RAB23: variants seen among roughly 807,000 people sequenced by gnomAD.
RAB23 encodes the protein ras-related protein Rab-23.
Under a neutral mutation model 30.0 loss-of-function variants are expected in RAB23, and 15 were observed. The observed-to-expected ratio is 0.50, with a 90% CI of 0.33 to 0.77. The LOEUF (loss-of-function observed/expected upper bound fraction) is 0.77, where lower values mean the gene tolerates loss of function less well. Ranked by LOEUF, RAB23 falls within the 30% of genes least tolerant of loss-of-function variation. The pLI is 0.02. For missense variants in RAB23, 243 were observed against 275.4 expected (o/e 0.88, Z 0.83); for synonymous variants, 93 against 94.0 (o/e 0.99, Z 0.06).
At chr6:57,199,263 G>A (rs1765145843) in intron 3 of RAB23, among the ~76,000 whole-genome samples, 1 of 152,158 alleles carries the variant, frequency 6.6e-6, no homozygotes, top group South Asian at 2.1e-4. Context: ...GCGGGGGGGT[G>A]GAATGAACAC....
intron 1 of RAB23, among the ~76,000 whole-genome samples, chr6:57,211,386 A>G (rs1237366764): frequency 6.6e-6 from 1 of 152,122 alleles, no homozygotes. Context: ...CTTGAGCCCA[A>G]GGGTCTGAAG....
At chr6:57,202,201 C>A (rs976160258) in intron 3 of RAB23, among the ~76,000 whole-genome samples, 1 of 152,112 alleles carries the variant, frequency 6.6e-6, no homozygotes. Context: ...CTAGCCCTTA[C>A]CTTCTCTTCT....
chr6:57,196,479 A>C lies in RAB23; in HGVS notation c.369T>G (p.Ile123Met), dbSNP rs1765026710. The C allele has an allele frequency of 4.3e-6, 7 of 1,614,030 alleles. No individual in the cohort carries two copies. The highest frequency in any genetic ancestry group is 5.9e-6 in the Non-Finnish European group (7 of 1,179,946). The change falls in exon 4 of 7, where the codon ATT becomes ATG. Residue 123 changes from isoleucine to methionine, a missense_variant. Coordinates refer to ENST00000468148, the MANE Select transcript of RAB23 (RefSeq NM_016277.5). ...DIPTVLVQNK[I>M]DLLDDSCIKN... The stretch of plus-strand genomic sequence containing the variant: ...TTATACAAGAATCATCCAGAAGATC[A>C]ATCTTGTTTTGCACAAGTACAGTTG...
In RAB23 at chr6:57,196,617, ACAATCAATCAAT is replaced by A. The variant is rs45542438; in HGVS notation, c.242-23_242-12del. The A allele has an allele frequency of 6.2e-7, 1 of 1,612,272 alleles. No homozygotes were observed. On this transcript the variant is annotated splice_polypyrimidine_tract_variant and intron_variant, in intron 3 of 6. Transcript: ENST00000468148. ...CACAAGCCTGGGCTCCTGTAAGTTC[ACAATCAATCAAT>A]CAATCAATCAAGGTATTTACATTAA...
intron 6 of RAB23, among the ~76,000 whole-genome samples, chr6:57,193,421 A>G (rs941219855): frequency 2.0e-5 from 3 of 152,222 alleles, no homozygotes; most frequent in Non-Finnish European, 4.4e-5. Context: ...GTTATTGTGA[A>G]AGAGAACACA....
intron 3 of RAB23, among the ~76,000 whole-genome samples, chr6:57,203,338 G>A (rs1245483562): frequency 1.3e-5 from 2 of 152,034 alleles, no homozygotes; most frequent in East Asian, 3.8e-4. Context: ...GAAACATAAT[G>A]TCAAATATAT....
Position 57,187,402 on chromosome 6 carries a change from A to G in RAB23, c.*3059T>C, listed in dbSNP as rs1764642486. On this transcript the variant is annotated 3_prime_UTR_variant, in exon 7 of 7. Coordinates refer to ENST00000468148, the MANE Select transcript of RAB23 (RefSeq NM_016277.5). ...ATGATGAGAGACTTACATGTTTTATAGCTGAAAACCTAAGGAGTGACAATA... is the reference window on the plus strand; with the variant it reads ...ATGATGAGAGACTTACATGTTTTATGGCTGAAAACCTAAGGAGTGACAATA... The G allele has an allele frequency of 1.3e-5, 2 of 152,322 alleles. No individual in the cohort carries two copies. The highest frequency in any genetic ancestry group is 3.4e-3 in the Middle Eastern group (1 of 294). 9.4% of individuals were successfully genotyped at this position (152,322 alleles called of 1,614,324 possible).
At chr6:57,198,451 T>A (rs766546233) in intron 3 of RAB23, among the ~76,000 whole-genome samples, 83 of 151,976 alleles carry the variant, frequency 5.5e-4, no homozygotes, top group Non-Finnish European at 7.2e-4. Context: ...GAGGTGGAGC[T>A]TGCAGTGAGC....
intron 3 of RAB23, among the ~76,000 whole-genome samples, chr6:57,204,176 A>G (rs1765370867): frequency 6.6e-6 from 1 of 152,196 alleles, no homozygotes; most frequent in Admixed American, 6.5e-5. Flanking sequence ...CTTCAATAAA[A>G]TCAGTGGTAA....
rs1053849499 is a variant in RAB23 at position 57,190,544 on chromosome 6, C to T, written c.631G>A (p.Gly211Ser). Residue 211 changes from glycine to serine, a missense_variant, in exon 7 of 7, where the codon GGT becomes AGT. By Grantham distance (56) the Gly-to-Ser change is moderately conservative (BLOSUM62 0). Transcript: ENST00000468148. Reference sequence around the variant, plus strand: ...GGTCTAAGATTGATGACATCTCCACCATTGAGGGTACCTGAATTCTGACCG... The same window carrying T: ...GGTCTAAGATTGATGACATCTCCACTATTGAGGGTACCTGAATTCTGACCG... ...HSGQNSGTLN[G>S]GDVINLRPNK... The T allele has an allele frequency of 5.0e-6, 8 of 1,613,634 alleles. No homozygotes were observed. In the African/African-American group the frequency reaches 1.1e-4, roughly 22 times the overall value.
In RAB23 at chr6:57,196,531, T is replaced by C. The variant is rs1562651480; in HGVS notation, c.317A>G (p.Lys106Arg). The C allele has an allele frequency of 6.2e-7, 1 of 1,613,932 alleles. No individual in the cohort carries two copies. The highest frequency in any genetic ancestry group is 1.3e-5 in the African/African-American group (1 of 74,918). Residue 106 changes from lysine (K) to arginine (R), a missense_variant, in exon 4 of 7, where the codon AAA (lysine) becomes AGA (arginine). Physicochemically the swap from Lys to Arg is conservative, Grantham distance 26. Coordinates refer to ENST00000468148, the MANE Select transcript of RAB23 (RefSeq NM_016277.5). The stretch of plus-strand genomic sequence containing the variant: ...TATATCTCCCACTTCGGCTACTACT[T>C]TCTCTCTCCAACTGGAAACTGCTTC... ...SFEAVSSWRE[K>R]VVAEVGDIPT... is the part of the protein sequence containing the mutation.
At chr6:57,190,635 G>T (rs746625621) in intron 6 of RAB23, 35 bp from the exon 7 acceptor site, 2 of 1,610,880 alleles carry the variant, frequency 1.2e-6, no homozygotes, top group Non-Finnish European at 1.7e-6. Flanking sequence ...GATTGCCACT[G>T]ACACGCCTGA....
chr6:57,193,405 C>G (rs1764912646), intron 6 of RAB23, among the ~76,000 whole-genome samples: 1 of 152,178 alleles, frequency 6.6e-6, no homozygotes, highest in South Asian at 2.1e-4. Context: ...GACATCTGGT[C>G]AGGCAGTTAT....
chr6:57,189,575 T>C lies in RAB23; in HGVS notation c.*886A>G, dbSNP rs1764752349. 1 of 152,630 alleles carries C rather than the reference T, an allele frequency of 6.6e-6. No homozygotes were observed. Among genetic ancestry groups the C allele is most frequent in the Middle Eastern group, 3.4e-3 (1 of 294 alleles). 9.5% of individuals were successfully genotyped at this position (152,630 alleles called of 1,614,324 possible). On this transcript the variant is annotated 3_prime_UTR_variant, in exon 7 of 7. Coordinates refer to ENST00000468148, the MANE Select transcript of RAB23 (RefSeq NM_016277.5). ...AGCTCACCATGCTTATGGGTGACTA[T>C]ATCAAAAAGATCTGCAATAAGGCTC...
chr6:57,202,525 A>G (rs1415715803), intron 3 of RAB23, among the ~76,000 whole-genome samples: 1 of 152,224 alleles, frequency 6.6e-6, no homozygotes, highest in Admixed American at 6.5e-5. Flanking sequence ...CCAAGGATGT[A>G]AACAAAGCAT....
At chr6:57,198,679 T>TA (rs200709921) in intron 3 of RAB23, among the ~76,000 whole-genome samples, 238 of 138,678 alleles carry the variant, frequency 1.7e-3, no homozygotes, top group South Asian at 4.4e-3. Flanking sequence ...AGACTCTGTC[T>TA]AAAAAAAAAA....
At chr6:57,205,226 A>G (rs535499942) in intron 3 of RAB23, among the ~76,000 whole-genome samples, 3 of 151,614 alleles carry the variant, frequency 2.0e-5, no homozygotes, top group Non-Finnish European at 4.4e-5. Flanking sequence ...GTGTGTATAT[A>G]TGTGTGTGTG....
rs538478675 is a variant in RAB23 at position 57,202,655 on chromosome 6, C to G, written c.241+4973G>C. Reference sequence around the variant, plus strand: ...AGAATCAGTAAGGTTATAGGCTGAACAAACAACTAAAAGGGATGCTATTTC... The same window carrying G: ...AGAATCAGTAAGGTTATAGGCTGAAGAAACAACTAAAAGGGATGCTATTTC... On this transcript the variant is annotated intron_variant, in intron 3 of 6. Coordinates refer to ENST00000468148, the MANE Select transcript of RAB23 (RefSeq NM_016277.5). Among the ~76,000 whole-genome samples the G allele has an allele frequency of 3.9e-5, 6 of 152,274 alleles. 1 individual carries two copies. The highest frequency in any genetic ancestry group is 1.4e-4 in the African/African-American group (6 of 41,554).
intron 3 of RAB23, among the ~76,000 whole-genome samples, chr6:57,204,539 T>C (rs967020983): frequency 6.6e-6 from 1 of 152,206 alleles, no homozygotes; most frequent in African/African-American, 2.4e-5. Flanking sequence ...ACTGCTTCCA[T>C]ATCATCTGTT....
Sources: gnomAD v4.1 joint callset for allele counts (sites outside exome capture counted in the v4.1 genomes callset) on GRCh38, gnomAD v4.1.1 for gene constraint, MANE v1.5 for transcripts, NCBI Gene and HGNC (gene_info 2026-07-23, HGNC 2026-07-21) for gene names.